PDE4B: variants seen among roughly 807,000 people sequenced by gnomAD.
The protein encoded by PDE4B is 3',5'-cyclic-AMP phosphodiesterase 4B.
In PDE4B, 20 loss-of-function variants were observed where a neutral mutation model predicts 82.2. The observed-to-expected ratio is 0.24, with a 90% CI of 0.17 to 0.35. The LOEUF is 0.35. Among genes scored for constraint, PDE4B ranks in the 10% least tolerant of loss-of-function variants. The pLI is 1.00. For missense variants in PDE4B, 655 were observed against 907.2 expected (o/e 0.72, Z 3.57); for synonymous variants, 320 against 318.9 (o/e 1.00, Z -0.04).
intron 1 of PDE4B, among the ~76,000 whole-genome samples, chr1:65,801,605 CAA>C (rs932695325): frequency 9.9e-5 from 15 of 152,060 alleles, no homozygotes; most frequent in African/African-American, 2.9e-4. Flanking sequence ...CATGAGACTT[CAA>C]GAGTCTCTGT....
chr1:66,167,121 A>G (rs1646749552), intron 3 of PDE4B, among the ~76,000 whole-genome samples: 1 of 152,184 alleles, frequency 6.6e-6, no homozygotes, highest in South Asian at 2.1e-4. Flanking sequence ...AAATGGTGTG[A>G]CCATATTGGA....
chr1:65,823,854 C>T (rs187679969), intron 1 of PDE4B, among the ~76,000 whole-genome samples: 63 of 152,308 alleles, frequency 4.1e-4, no homozygotes, highest in African/African-American at 1.4e-3. Context: ...TCCTTCCATG[C>T]CTGGCCACCC....
intron 3 of PDE4B, among the ~76,000 whole-genome samples, chr1:66,122,160 T>C (rs571274307): frequency 2.2e-4 from 33 of 152,324 alleles, no homozygotes; most frequent in African/African-American, 7.5e-4. Flanking sequence ...CTTAGCTTCT[T>C]TGAGCGTCCA....
chr1:66,274,987 T>C (rs954313806), intron 7 of PDE4B, among the ~76,000 whole-genome samples: 5 of 152,126 alleles, frequency 3.3e-5, no homozygotes. Context: ...TCTTGTTATA[T>C]AGAAATAGTT....
At chr1:66,322,378 C>A (rs945278047) in intron 7 of PDE4B, among the ~76,000 whole-genome samples, 3 of 151,846 alleles carry the variant, frequency 2.0e-5, no homozygotes, top group Non-Finnish European at 2.9e-5. Context: ...AGTGAACAGG[C>A]AACCTACAGA....
intron 3 of PDE4B, among the ~76,000 whole-genome samples, chr1:65,972,090 T>C (rs886508151): frequency 7.9e-5 from 12 of 152,196 alleles, no homozygotes; most frequent in African/African-American, 2.9e-4. Flanking sequence ...GGTAATATAT[T>C]ATGACTGTGC....
chr1:66,035,388 A>G (rs770189868), intron 3 of PDE4B, among the ~76,000 whole-genome samples: 1 of 152,104 alleles, frequency 6.6e-6, no homozygotes, highest in Non-Finnish European at 1.5e-5. Flanking sequence ...ATTATTAACT[A>G]AAGTCATCTT....
At chr1:66,143,161 C>T (rs1646205722) in intron 3 of PDE4B, among the ~76,000 whole-genome samples, 1 of 152,194 alleles carries the variant, frequency 6.6e-6, no homozygotes, top group South Asian at 2.1e-4. Flanking sequence ...TTGCTAGACA[C>T]TGAACTGCAG....
intron 3 of PDE4B, among the ~76,000 whole-genome samples, chr1:66,104,373 A>G (rs1358958944): frequency 2.0e-5 from 3 of 147,338 alleles, no homozygotes; most frequent in East Asian, 2.0e-4. Context: ...AGTCTTTGCT[A>G]TTGTGAATAG....
At chr1:65,829,367 T>C (rs1448641011) in intron 1 of PDE4B, among the ~76,000 whole-genome samples, 1 of 152,134 alleles carries the variant, frequency 6.6e-6, no homozygotes, top group African/African-American at 2.4e-5. Context: ...AATTACAAAC[T>C]TCAACACTCC....
At chr1:65,796,093 T>A (rs756241472) in intron 1 of PDE4B, among the ~76,000 whole-genome samples, 1 of 152,226 alleles carries the variant, frequency 6.6e-6, no homozygotes, top group Non-Finnish European at 1.5e-5. Context: ...GTTGTTTGAA[T>A]TGACGTTCCC....
At chr1:66,194,035 T>C (rs1221430733) in intron 3 of PDE4B, among the ~76,000 whole-genome samples, 3 of 151,980 alleles carry the variant, frequency 2.0e-5, no homozygotes, top group Non-Finnish European at 2.9e-5. Flanking sequence ...GCAAGTCGTT[T>C]TTCATAGCTA....
intron 1 of PDE4B, among the ~76,000 whole-genome samples, chr1:65,829,986 G>T (rs1362852866): frequency 6.6e-6 from 1 of 152,158 alleles, no homozygotes; most frequent in African/African-American, 2.4e-5. Context: ...TCTAAACACA[G>T]TTCTTCTAAA....
intron 7 of PDE4B, among the ~76,000 whole-genome samples, chr1:66,314,647 A>G (rs10889606): frequency 0.62 from 94,893 of 152,002 alleles, 29,863 homozygotes; most frequent in East Asian, 0.83. Context: ...TCCTGATCTC[A>G]GGTGATCTTT....
chr1:66,353,342 C>A (rs746010839), intron 8 of PDE4B, among the ~76,000 whole-genome samples: 1 of 152,178 alleles, frequency 6.6e-6, no homozygotes, highest in Non-Finnish European at 1.5e-5. Context: ...TGCAGTGAGC[C>A]AGCAGGCAGA....
Position 66,302,976 on chromosome 1 carries a change from C to T in PDE4B, c.635-29532C>T, listed in dbSNP as rs138602706. 7.2e-5 allele frequency among the ~76,000 whole-genome samples: 11 copies of T among 152,250 alleles called. No homozygotes were observed. The East Asian group carries it at 2.1e-3, about 29-fold the overall frequency. ...GAAGACCCAAGACCTTGCTAGATGC[C>T]CATCCTATGGGTTTCCATGGCATCC... On this transcript the variant is annotated intron_variant, in intron 7 of 16. Coordinates refer to ENST00000341517, the MANE Select transcript of PDE4B (RefSeq NM_002600.4).
intron 8 of PDE4B, chr1:66,354,778 G>A: frequency 6.5e-7 from 1 of 1,532,676 alleles, no homozygotes; most frequent in Non-Finnish European, 8.7e-7. Flanking sequence ...ATCCTTTCGG[G>A]ATTGCTCTCT....
At chr1:66,106,730 G>T (rs377591350) in intron 3 of PDE4B, among the ~76,000 whole-genome samples, 2 of 151,714 alleles carry the variant, frequency 1.3e-5, no homozygotes, top group Admixed American at 6.6e-5. Flanking sequence ...TTGCATAGAG[G>T]TGTTTGTAGT....
chr1:65,979,460 C>G (rs1650574279), intron 3 of PDE4B, among the ~76,000 whole-genome samples: 1 of 152,186 alleles, frequency 6.6e-6, no homozygotes, highest in Non-Finnish European at 1.5e-5. Context: ...TGTGTTCCCA[C>G]TAAGGAATAG....
Sources: allele counts gnomAD v4.1 joint callset (sites outside exome capture counted in the v4.1 genomes callset), GRCh38; gene constraint gnomAD v4.1.1; transcripts MANE v1.5; gene names NCBI Gene and HGNC (gene_info 2026-07-23, HGNC 2026-07-21).